FUBP3: variants seen among roughly 807,000 people sequenced by gnomAD.
The protein encoded by FUBP3 is far upstream element-binding protein 3.
Under a neutral mutation model 85.6 loss-of-function variants are expected in FUBP3, and 28 were observed. The ratio of observed to expected loss-of-function variants is 0.33; its 90% CI spans 0.24 to 0.45. The LOEUF (loss-of-function observed/expected upper bound fraction) is 0.45, where lower values mean the gene tolerates loss of function less well. Among genes scored for constraint, FUBP3 ranks in the 20% least tolerant of loss-of-function variants. The pLI is 1.00. For synonymous variants in FUBP3, 271 were observed against 271.4 expected, an observed-to-expected ratio of 1.00 and a Z score of 0.01; for missense variants, 583 against 755.1, an observed-to-expected ratio of 0.77 and a Z score of 2.67.
chr9:130,602,565 A>G (rs1469465971), intron 2 of FUBP3, among the ~76,000 whole-genome samples: 1 of 152,168 alleles, frequency 6.6e-6, no homozygotes, highest in Non-Finnish European at 1.5e-5. Flanking sequence ...TGAGGCCACC[A>G]GTCTCCACTC....
chr9:130,624,476 C>T (rs1347529544), intron 11 of FUBP3, among the ~76,000 whole-genome samples: 1 of 152,216 alleles, frequency 6.6e-6, no homozygotes, highest in African/African-American at 2.4e-5. Flanking sequence ...CCAGGCAATT[C>T]TTAAGATTAG....
intron 1 of FUBP3, among the ~76,000 whole-genome samples, chr9:130,583,145 C>G (rs1830204117): frequency 6.6e-6 from 1 of 152,196 alleles, no homozygotes; most frequent in African/African-American, 2.4e-5. Context: ...AACCTTTTGA[C>G]AGATTTTTAG....
At chr9:130,583,899 A>G (rs917526201) in intron 1 of FUBP3, among the ~76,000 whole-genome samples, 1 of 152,098 alleles carries the variant, frequency 6.6e-6, no homozygotes, top group African/African-American at 2.4e-5. Context: ...AATTTATCAT[A>G]TAATATAATT....
Position 130,616,639 on chromosome 9 carries a change from T to C in FUBP3, c.567+122T>C, listed in dbSNP as rs1261223050. On this transcript the variant is annotated intron_variant, in intron 7 of 18. Coordinates refer to ENST00000319725, the MANE Select transcript of FUBP3 (RefSeq NM_003934.2). This position sits in a 1 kb window ranked among gnomAD's most constrained non-coding sequence, Gnocchi z 4.7. ...GGGCTGGCTTTGTGCAGCATTGTGCTGAGGCTTCCTTCCTCCATTTGACAG... is the reference window on the plus strand; with the variant it reads ...GGGCTGGCTTTGTGCAGCATTGTGCCGAGGCTTCCTTCCTCCATTTGACAG... 2.3e-6 allele frequency: 2 copies of C among 854,054 alleles called. No homozygotes were observed. The highest frequency in any genetic ancestry group is 3.7e-6 in the Non-Finnish European group (2 of 545,300). The allele number at this position is 854,054 out of a possible 1,614,324, so 52.9% of individuals were successfully genotyped here.
Position 130,617,787 on chromosome 9 carries a change from T to G in FUBP3, c.568-10T>G, listed in dbSNP as rs1014911947. The G allele has an allele frequency of 1.3e-6, 2 of 1,529,842 alleles. No individual in the cohort carries two copies. Among genetic ancestry groups the G allele is most frequent in the African/African-American group, 1.4e-5 (1 of 73,442 alleles). 94.8% of individuals were successfully genotyped at this position (1,529,842 alleles called of 1,614,324 possible). ...ATTCATGAGGCTGTGCTGGTGTGTGTTCCCCACAGGAGCGGACAGGGGTGA... is the reference window on the plus strand; with the variant it reads ...ATTCATGAGGCTGTGCTGGTGTGTGGTCCCCACAGGAGCGGACAGGGGTGA... On this transcript the variant is annotated splice_polypyrimidine_tract_variant and intron_variant, in intron 7 of 18. Transcript: ENST00000319725.
At chr9:130,597,766 C>T (rs897763268) in intron 2 of FUBP3, among the ~76,000 whole-genome samples, 1 of 152,158 alleles carries the variant, frequency 6.6e-6, no homozygotes, top group Non-Finnish European at 1.5e-5. Context: ...GTTATTTAAA[C>T]AGTGCTCAAC....
rs761521159 is a variant in FUBP3 at position 130,595,475 on chromosome 9, C to T, written c.85-8C>T. On this transcript the variant is annotated splice_polypyrimidine_tract_variant and splice_region_variant and intron_variant, in intron 1 of 18. Transcript: ENST00000319725. ...TTACTGAGTGTTTAAATCTGATTCT[C>T]TCTGTAGATTGCTGCTAAAATTGAT... 2.2e-6 allele frequency: 3 copies of T among 1,348,356 alleles called. No homozygotes were observed. Among genetic ancestry groups the T allele is most frequent in the South Asian group, 1.2e-5 (1 of 85,728 alleles). 83.5% of individuals were successfully genotyped at this position (1,348,356 alleles called of 1,614,324 possible).
chr9:130,627,219 T>G (rs899749866), intron 12 of FUBP3, among the ~76,000 whole-genome samples: 1 of 152,216 alleles, frequency 6.6e-6, no homozygotes, highest in Non-Finnish European at 1.5e-5. Flanking sequence ...GGGCCGAGGC[T>G]GTGGGGCCTT....
chr9:130,630,994 C>T (rs895410997), intron 13 of FUBP3, among the ~76,000 whole-genome samples: 1 of 152,174 alleles, frequency 6.6e-6, no homozygotes, highest in African/African-American at 2.4e-5. Flanking sequence ...ATGAAGGAAG[C>T]CTGGCAGGAC....
chr9:130,631,617 C>T lies in FUBP3; in HGVS notation c.1339C>T (p.Pro447Ser). 1.9e-6 allele frequency: 3 copies of T among 1,612,926 alleles called. No homozygotes were observed. Among genetic ancestry groups the T allele is most frequent in the Non-Finnish European group, 2.5e-6 (3 of 1,178,902 alleles). ...GAGTCCATTCAGCCAGCCACCTGCC[C>T]CACCTCATCAAAAGTGAGTCTTTTG... Reference protein sequence around the residue: ...GQSPFSQPPAPPHQNTFPPRS... With the variant: ...GQSPFSQPPASPHQNTFPPRS... Residue 447 changes from proline to serine, a missense_variant, in exon 14 of 19, where the codon CCA becomes TCA. Pro to Ser is a moderately conservative substitution (Grantham distance 74, BLOSUM62 -1). Transcript: ENST00000319725.
Position 130,616,550 on chromosome 9 carries a change from C to A in FUBP3, c.567+33C>A. 8 of 1,607,210 alleles carry A rather than the reference C, an allele frequency of 5.0e-6. No homozygotes were observed. The highest frequency in any genetic ancestry group is 6.8e-6 in the Non-Finnish European group (8 of 1,174,364). On this transcript the variant is annotated intron_variant, in intron 7 of 18. Coordinates refer to ENST00000319725, the MANE Select transcript of FUBP3 (RefSeq NM_003934.2). This position sits in a 1 kb window ranked among gnomAD's most constrained non-coding sequence, Gnocchi z 4.7. Reference sequence around the variant, plus strand: ...AGCCCGGAGCACGGAGCACAGCGGCCGCTCGCAGCAGGTCTTCAGCTTCCT... The same window carrying A: ...AGCCCGGAGCACGGAGCACAGCGGCAGCTCGCAGCAGGTCTTCAGCTTCCT...
chr9:130,598,017 TG>T (rs1830954356), intron 2 of FUBP3, among the ~76,000 whole-genome samples: 1 of 152,108 alleles, frequency 6.6e-6, no homozygotes, highest in Non-Finnish European at 1.5e-5. Flanking sequence ...AAGGTAGACA[TG>T]GAAAAAAATA....
chr9:130,621,671 C>CTA (rs1294833796), intron 9 of FUBP3, among the ~76,000 whole-genome samples: 1 of 152,144 alleles, frequency 6.6e-6, no homozygotes, highest in African/African-American at 2.4e-5. Context: ...CTTTGGGAGG[C>CTA]AGAGGCGGGT....
At chr9:130,614,405 A>G in intron 6 of FUBP3, 60 bp downstream of exon 6, 1 of 1,045,686 alleles carries the variant, frequency 9.6e-7, no homozygotes. Context: ...AAATGGGGAG[A>G]AATGGAAGGG....
chr9:130,617,529 CAGTGAAAGT>C (rs1180181289), intron 7 of FUBP3, among the ~76,000 whole-genome samples: 3 of 152,218 alleles, frequency 2.0e-5, no homozygotes, highest in African/African-American at 7.2e-5. Flanking sequence ...GCCTGGCATT[CAGTGAAAGT>C]AGCTCCTTAG....
intron 13 of FUBP3, 37 bp from the exon 14 acceptor site, chr9:130,631,516 GCAAC>G (rs761633319): frequency 4.8e-5 from 75 of 1,556,346 alleles, no homozygotes; most frequent in Non-Finnish European, 6.4e-5. Flanking sequence ...AAAGAGGTGT[GCAAC>G]CAACAGCGGG....
Position 130,579,713 on chromosome 9 carries a change from T to G in FUBP3, c.33T>G (p.Pro11=). ...AGCTGGTGCAGGGGCAGAGCGCTCC[T>G]GTGGGGATGAAGGCCGAGGGCTTCG... The part of the protein sequence containing the change: MAELVQGQSA[P]VGMKAEGFVD... The change falls in exon 1 of 19, where the codon CCT becomes CCG. Residue 11 remains proline, a synonymous_variant. Transcript: ENST00000319725. The G allele has an allele frequency of 7.8e-7, 1 of 1,274,504 alleles. No homozygotes were observed. Among genetic ancestry groups the G allele is most frequent in the Non-Finnish European group, 9.9e-7 (1 of 1,007,050 alleles). 78.9% of individuals were successfully genotyped at this position (1,274,504 alleles called of 1,614,324 possible). A position where few individuals can be genotyped will look rare whatever the true frequency, so the allele number is the denominator to read the frequency against.
chr9:130,633,805 C>T (rs1027285230), intron 16 of FUBP3, among the ~76,000 whole-genome samples: 2 of 152,198 alleles, frequency 1.3e-5, no homozygotes, highest in Admixed American at 6.5e-5. Flanking sequence ...TTCTTCCCCA[C>T]GCTGCTCCTC....
intron 6 of FUBP3, among the ~76,000 whole-genome samples, chr9:130,615,735 CTG>C (rs772944611): frequency 2.0e-4 from 31 of 152,352 alleles, no homozygotes; most frequent in Admixed American, 1.3e-3. Context: ...AAGCAGGTGT[CTG>C]TGAGTGCACA....
Sources: allele counts gnomAD v4.1 joint callset (sites outside exome capture counted in the v4.1 genomes callset), GRCh38; gene constraint gnomAD v4.1.1; non-coding constraint Gnocchi (gnomAD v3.1); transcripts MANE v1.5; gene names NCBI Gene and HGNC (gene_info 2026-07-23, HGNC 2026-07-21).